The following RNF111 variants were observed in gnomAD, a reference collection of about 807,000 sequenced individuals.
RNF111 encodes ring finger protein 111.
In RNF111, 17 loss-of-function variants were observed where a neutral mutation model predicts 95.1. The observed-to-expected ratio is 0.18, with a 90% CI of 0.12 to 0.27. The LOEUF (loss-of-function observed/expected upper bound fraction) is 0.27. RNF111 is among the 10% of genes least tolerant of loss of function. The pLI is 1.00. For missense variants in RNF111, 1,189 were observed against 1,210.4 expected (o/e 0.98, Z 0.26); for synonymous variants, 440 against 414.8 (o/e 1.06, Z -0.74).
intron 2 of RNF111, among the ~76,000 whole-genome samples, chr15:59,037,778 G>A (rs547840733): frequency 6.6e-6 from 1 of 152,176 alleles, no homozygotes; most frequent in Non-Finnish European, 1.5e-5. Context: ...AGAGGTTGCT[G>A]TGAGCCGAGA....
intron 10 of RNF111, among the ~76,000 whole-genome samples, chr15:59,089,400 A>T (rs1415361985): frequency 6.6e-6 from 1 of 152,232 alleles, no homozygotes; most frequent in African/African-American, 2.4e-5. Context: ...TGAAATGGAC[A>T]GGATCTTAAG....
chr15:58,996,564 G>A (rs1188436229), intron 1 of RNF111, among the ~76,000 whole-genome samples: 8 of 150,456 alleles, frequency 5.3e-5, no homozygotes, highest in Admixed American at 4.0e-4. Context: ...CTGGGCAGTA[G>A]AGCAAGACTC....
intron 6 of RNF111, among the ~76,000 whole-genome samples, chr15:59,072,890 A>AC (rs2043001226): frequency 1.3e-5 from 2 of 151,600 alleles, no homozygotes; most frequent in Admixed American, 1.3e-4. Flanking sequence ...TAAAAAAAAA[A>AC]AAACAAAACA....
At chr15:59,084,023 A>G (rs1303723535) in intron 8 of RNF111, 106 bp from the exon 9 acceptor site, 6 of 843,860 alleles carry the variant, frequency 7.1e-6, no homozygotes, top group Non-Finnish European at 8.1e-6. Context: ...TGACTAATCT[A>G]TAGATGTTTA....
intron 4 of RNF111, 144 bp from the exon 5 acceptor site, chr15:59,058,212 C>T (rs865797828): frequency 3.5e-5 from 23 of 655,958 alleles, no homozygotes; most frequent in African/African-American, 5.4e-5. Context: ...GCTTTGTGAA[C>T]GCTTTCTTTA....
chr15:58,997,020 C>T (rs1369033125), intron 1 of RNF111, among the ~76,000 whole-genome samples: 2 of 152,008 alleles, frequency 1.3e-5, no homozygotes, highest in Admixed American at 1.3e-4. Context: ...TACTTGTGTA[C>T]TTATATTTCT....
Position 59,031,163 on chromosome 15 carries a change from G to C in RNF111, c.341G>C (p.Gly114Ala). 1 of 1,614,072 alleles carries C rather than the reference G, an allele frequency of 6.2e-7. No homozygotes were observed. Among genetic ancestry groups the C allele is most frequent in the Non-Finnish European group, 8.5e-7 (1 of 1,180,010 alleles). ...YVQNCVKENQGILGLRQHLGT... is the reference protein window; with the variant it reads ...YVQNCVKENQAILGLRQHLGT... ...CAGAATTGTGTTAAAGAAAACCAGGGAATATTAGGACTGAGGCAACACCTA... is the reference window on the plus strand; with the variant it reads ...CAGAATTGTGTTAAAGAAAACCAGGCAATATTAGGACTGAGGCAACACCTA... Residue 114 changes from glycine (G) to alanine (A), a missense_variant, in exon 2 of 14, where the codon GGA becomes GCA. Gly to Ala is a moderately conservative substitution (Grantham distance 60). Around this residue, in one of 2 missense-constraint regions of RNF111, gnomAD observed 1,024 missense variants for 925.9 expected, o/e 1.11. Transcript: ENST00000348370.
chr15:59,012,940 T>A (rs1001690196), intron 1 of RNF111, among the ~76,000 whole-genome samples: 4 of 152,170 alleles, frequency 2.6e-5, no homozygotes, highest in Admixed American at 2.0e-4. Context: ...GGTTTCGCCA[T>A]GTTGGCCAGG....
intron 1 of RNF111, among the ~76,000 whole-genome samples, chr15:59,009,697 G>A (rs1223546775): frequency 7.2e-5 from 11 of 152,006 alleles, no homozygotes; most frequent in African/African-American, 2.7e-4. Context: ...GCTCATGCCT[G>A]TAATCTCAAC....
chr15:59,039,204 T>C (rs2041329574), intron 2 of RNF111, among the ~76,000 whole-genome samples: 1 of 152,218 alleles, frequency 6.6e-6, no homozygotes, highest in Non-Finnish European at 1.5e-5. Flanking sequence ...CCTCAGGTCA[T>C]CTGCCCGCCT....
Position 59,096,045 on chromosome 15 carries a change from G to A in RNF111, c.*1145G>A. 2.5e-6 allele frequency: 1 copy of A among 398,628 alleles called. No homozygotes were observed. The highest frequency in any genetic ancestry group is 4.4e-6 in the Non-Finnish European group (1 of 225,858). 24.7% of individuals were successfully genotyped at this position (398,628 alleles called of 1,614,324 possible). A position where few individuals can be genotyped will look rare whatever the true frequency, so the allele number is the denominator to read the frequency against. The stretch of plus-strand genomic sequence containing the variant: ...GCACAAATTATACTGTCAACCTACT[G>A]TTGCTATGGTTATATACTCCCACTT... On this transcript the variant is annotated 3_prime_UTR_variant, in exon 14 of 14. Coordinates refer to ENST00000348370, the MANE Select transcript of RNF111 (RefSeq NM_017610.8).
chr15:58,999,307 G>C (rs1278368989), intron 1 of RNF111, among the ~76,000 whole-genome samples: 1 of 152,138 alleles, frequency 6.6e-6, no homozygotes, highest in Non-Finnish European at 1.5e-5. Context: ...TTTAATAAAA[G>C]TTACTTATAT....
In RNF111 at chr15:59,095,714, TTGTACA is replaced by T. The variant is rs1365977593; in HGVS notation, c.*816_*821del. On this transcript the variant is annotated 3_prime_UTR_variant, in exon 14 of 14. Transcript: ENST00000348370. ...TAAATATTAATTTCAATTAGCTAGA[TTGTACA>T]TACTTGCAGATTTAACAAAATTTTA... 3.4e-6 allele frequency: 1 copy of T among 290,954 alleles called. No homozygotes were observed. Among genetic ancestry groups the T allele is most frequent in the East Asian group, 5.8e-5 (1 of 17,248 alleles). The allele number at this position is 290,954 out of a possible 1,614,324, so 18.0% of individuals were successfully genotyped here.
At chr15:59,032,627 C>T (rs1596144807) in intron 2 of RNF111, among the ~76,000 whole-genome samples, 1 of 152,118 alleles carries the variant, frequency 6.6e-6, no homozygotes, top group African/African-American at 2.4e-5. Context: ...TGCCAAGTTG[C>T]CCAGGTTGGT....
intron 1 of RNF111, among the ~76,000 whole-genome samples, chr15:59,003,682 G>T (rs1376966922): frequency 1.3e-5 from 2 of 152,242 alleles, no homozygotes; most frequent in African/African-American, 4.8e-5. Context: ...AATTACAGGT[G>T]TGAGCCACTG....
chr15:59,091,379 T>C (rs2079047827), intron 12 of RNF111, among the ~76,000 whole-genome samples: 1 of 152,202 alleles, frequency 6.6e-6, no homozygotes. Flanking sequence ...AGGATTTAGA[T>C]ATTCTTCTAG....
At chr15:58,999,374 C>CA (rs2039226315) in intron 1 of RNF111, among the ~76,000 whole-genome samples, 1 of 152,180 alleles carries the variant, frequency 6.6e-6, no homozygotes, top group Non-Finnish European at 1.5e-5. Context: ...GTCACACTGT[C>CA]ACCCAGGCTG....
chr15:58,992,455 A>G lies in RNF111; in HGVS notation c.-20+4387A>G, dbSNP rs2038860839. Among the ~76,000 whole-genome samples, 3 of 152,176 alleles carry G rather than the reference A, an allele frequency of 2.0e-5. No homozygotes were observed. The South Asian group carries it at 6.2e-4, about 32-fold the overall frequency. On this transcript the variant is annotated intron_variant, in intron 1 of 13. Transcript: ENST00000348370. ...TCTGGATAATTGTTGGGTTGGGGTG[A>G]TGGGTACATGGGTATTAATAATATT... is the stretch of plus-strand genomic sequence containing the variant.
At chr15:59,004,494 G>C in intron 1 of RNF111, among the ~76,000 whole-genome samples, 1 of 152,174 alleles carries the variant, frequency 6.6e-6, no homozygotes, top group East Asian at 1.9e-4. Flanking sequence ...GTGACGTACA[G>C]TAAAAATTCA....
Sources: allele counts gnomAD v4.1 joint callset (sites outside exome capture counted in the v4.1 genomes callset), GRCh38; gene constraint gnomAD v4.1.1; regional missense constraint gnomAD v4.1.1; transcripts MANE v1.5; gene names NCBI Gene and HGNC (gene_info 2026-07-23, HGNC 2026-07-21).